Variants in NOLC1 observed in about 807,000 individuals in gnomAD.
The protein encoded by NOLC1 is 140 kDa nucleolar phosphoprotein.
A neutral mutation model predicts 73.4 loss-of-function variants in NOLC1; 37 were observed. The observed-to-expected ratio is 0.50, with a 90% CI of 0.39 to 0.66. The LOEUF (loss-of-function observed/expected upper bound fraction) is 0.66. NOLC1 is among the 30% of genes least tolerant of loss of function. The pLI, the probability that NOLC1 is intolerant of heterozygous loss-of-function variation, is 0.00. For missense variants in NOLC1, 921 were observed against 838.9 expected (o/e 1.10, Z -1.21); for synonymous variants, 327 against 302.6 (o/e 1.08, Z -0.84).
At chr10:102,160,123 C>G (rs2069675020) in intron 8 of NOLC1, 99 bp downstream of exon 8, 1 of 1,587,404 alleles carries the variant, frequency 6.3e-7, no homozygotes, top group East Asian at 2.2e-5. Context: ...TTGCTTTTTG[C>G]TTAAAGCAAG....
At chr10:102,153,246 A>G (rs2069536060) in intron 1 of NOLC1, among the ~76,000 whole-genome samples, 1 of 152,250 alleles carries the variant, frequency 6.6e-6, no homozygotes. Context: ...TTTCAGTAAG[A>G]TGATGTGTAA....
chr10:102,159,067 A>C (rs1223257884), intron 5 of NOLC1, 126 bp from the exon 6 acceptor site: 2 of 99,292 alleles, frequency 2.0e-5, no homozygotes. Context: ...TCCGTCTCCA[A>C]AAAAAAAAAA....
chr10:102,157,408 C>T lies in NOLC1; in HGVS notation c.317-23C>T, dbSNP rs748449926. On this transcript the variant is annotated intron_variant, in intron 3 of 12. Transcript: ENST00000605788. ...GCTTGTTTCACATGGCTGATTCTTA[C>T]TGGGACCTGTGTGTTTGTTCAGCTG... The T allele has an allele frequency of 2.5e-6, 4 of 1,613,898 alleles. No homozygotes were observed. In the South Asian group the frequency reaches 4.4e-5, roughly 18 times the overall value.
At chr10:102,154,036 A>AG (rs907874178) in intron 1 of NOLC1, among the ~76,000 whole-genome samples, 2 of 150,308 alleles carry the variant, frequency 1.3e-5, no homozygotes, top group African/African-American at 4.9e-5. Flanking sequence ...GAGCTAACTA[A>AG]GGGTCAGATG....
At chr10:102,154,790 G>A (rs888001114) in intron 1 of NOLC1, among the ~76,000 whole-genome samples, 2 of 152,108 alleles carry the variant, frequency 1.3e-5, no homozygotes, top group African/African-American at 4.8e-5. Context: ...GCCTCCCAAA[G>A]TGTTGGGATT....
chr10:102,154,450 AAAG>A (rs1448218290), intron 1 of NOLC1, among the ~76,000 whole-genome samples: 4 of 152,122 alleles, frequency 2.6e-5, no homozygotes, highest in African/African-American at 9.7e-5. Flanking sequence ...ATTTTATAGA[AAAG>A]AAAATAATCT....
intron 5 of NOLC1, 143 bp from the exon 6 acceptor site, chr10:102,159,050 G>C: frequency 1.1e-6 from 1 of 904,996 alleles, no homozygotes; most frequent in Non-Finnish European, 1.6e-6. Context: ...CAGAGCCAGA[G>C]CCAGACTCCG....
At position 102,159,893 on chromosome 10, in the gene NOLC1, C is replaced by T. The variant is rs1376394845; in HGVS notation, c.860-3C>T. 2 of 1,551,532 alleles carry T rather than the reference C, an allele frequency of 1.3e-6. No homozygotes were observed. Among genetic ancestry groups the T allele is most frequent in the African/African-American group, 1.4e-5 (1 of 71,926 alleles). On this transcript the variant is annotated splice_polypyrimidine_tract_variant and splice_region_variant and intron_variant, in intron 7 of 12. Transcript: ENST00000605788. ...AAACCATCACACTATCCTTTTTAAA[C>T]AGGTCCCTACAGTTCAGTCCCCCCG... is the stretch of plus-strand genomic sequence containing the variant.
Position 102,157,521 on chromosome 10 carries a change from A to G in NOLC1, c.407A>G (p.Asp136Gly). 2 of 1,614,194 alleles carry G rather than the reference A, an allele frequency of 1.2e-6. No homozygotes were observed. Among genetic ancestry groups the G allele is most frequent in the South Asian group, 2.2e-5 (2 of 91,078 alleles). The change falls in exon 4 of 13, where the codon GAT becomes GGT. Residue 136 changes from aspartate to glycine, a missense_variant. By Grantham distance (94) the Asp-to-Gly change is moderately conservative. Coordinates refer to ENST00000605788, the MANE Select transcript of NOLC1 (RefSeq NM_004741.5). ...AGCAGTGAAGAGTCCAGTGATGATGATGATGAGGAGGACCAAAAGAAACAG... is the reference window on the plus strand; with the variant it reads ...AGCAGTGAAGAGTCCAGTGATGATGGTGATGAGGAGGACCAAAAGAAACAG... ...SSSSEESSDD[D>G]DEEDQKKQPV...
Position 102,157,093 on chromosome 10 carries a change from A to G in NOLC1, c.176+19A>G. On this transcript the variant is annotated intron_variant, in intron 2 of 12. Transcript: ENST00000605788. ...GGCTCAAGTAAGCCTTTCCTGTTCC[A>G]TTTTGGCTATTTTCTCCCCCAAGAT... is the stretch of plus-strand genomic sequence containing the variant. 1 of 1,613,934 alleles carries G rather than the reference A, an allele frequency of 6.2e-7. No homozygotes were observed. The highest frequency in any genetic ancestry group is 1.1e-5 in the South Asian group (1 of 91,080).
At chr10:102,159,685 C>A in intron 7 of NOLC1, 117 bp downstream of exon 7, 2 of 1,185,228 alleles carry the variant, frequency 1.7e-6, no homozygotes, top group South Asian at 1.6e-5. Flanking sequence ...GCTAGCTTCT[C>A]CGAGCACTAG....
At chr10:102,161,386 A>G (rs1171891829) in intron 10 of NOLC1, among the ~76,000 whole-genome samples, 170 bp from the exon 11 acceptor site, 1 of 151,986 alleles carries the variant, frequency 6.6e-6, no homozygotes, top group East Asian at 1.9e-4. Context: ...ATGCACCACC[A>G]TGTCTGGCTC....
chr10:102,155,610 G>C (rs1377225014), intron 1 of NOLC1, among the ~76,000 whole-genome samples: 2 of 151,380 alleles, frequency 1.3e-5, no homozygotes, highest in African/African-American at 4.9e-5. Flanking sequence ...CTGGGTTAAA[G>C]CGATTCTCCT....
At position 102,153,074 on chromosome 10, in the gene NOLC1, A is replaced by G. The variant is rs183710522; in HGVS notation, c.120+544A>G. Among the ~76,000 whole-genome samples the G allele has an allele frequency of 3.0e-3, 460 of 152,350 alleles. 1 individual carries two copies. Among genetic ancestry groups the G allele is most frequent in the African/African-American group, 0.01 (427 of 41,592 alleles). On this transcript the variant is annotated intron_variant, in intron 1 of 12. Coordinates refer to ENST00000605788, the MANE Select transcript of NOLC1 (RefSeq NM_004741.5). ...AGAGTCATCAACAGCCCTACCAAGTAGGCATAGTAGTGGGCTTGGAGCTTT... is the reference window on the plus strand; with the variant it reads ...AGAGTCATCAACAGCCCTACCAAGTGGGCATAGTAGTGGGCTTGGAGCTTT...
At position 102,159,899 on chromosome 10, in the gene NOLC1, C is replaced by T. The variant is rs2133759885; in HGVS notation, c.863C>T (p.Pro288Leu). 6.3e-7 allele frequency: 1 copy of T among 1,578,360 alleles called. No homozygotes were observed. Among genetic ancestry groups the T allele is most frequent in the Non-Finnish European group, 8.6e-7 (1 of 1,164,398 alleles). The change falls in exon 8 of 13, where the codon CCC becomes CTC. Residue 288 changes from proline (P) to leucine (L), a missense_variant. Coordinates refer to ENST00000605788, the MANE Select transcript of NOLC1 (RefSeq NM_004741.5). ...QKKPMKNKPG[P>L]YSSVPPPSAP... ...TCACACTATCCTTTTTAAACAGGTC[C>T]CTACAGTTCAGTCCCCCCGCCTTCT...
chr10:102,156,429 A>AT (rs549384519), intron 1 of NOLC1, among the ~76,000 whole-genome samples: 193 of 140,844 alleles, frequency 1.4e-3, no homozygotes, highest in East Asian at 3.1e-3. Flanking sequence ...GTCAAAAGTG[A>AT]TTTTTTTTTT....
chr10:102,154,238 ATTTTTTTT>A (rs71016366), intron 1 of NOLC1, among the ~76,000 whole-genome samples: 2 of 126,414 alleles, frequency 1.6e-5, no homozygotes, highest in Non-Finnish European at 3.3e-5. Flanking sequence ...TGCCTGGCTA[ATTTTTTTT>A]TTTTTTTTTT....
At chr10:102,161,209 A>G in intron 10 of NOLC1, 116 bp downstream of exon 10, 1 of 1,110,136 alleles carries the variant, frequency 9.0e-7, no homozygotes. Context: ...AGTTGTGGAA[A>G]CTGGGAGGAA....
chr10:102,161,020 T>C lies in NOLC1; in HGVS notation c.1668T>C (p.Asn556=). 6.2e-7 allele frequency: 1 copy of C among 1,613,680 alleles called. No individual in the cohort carries two copies. The highest frequency in any genetic ancestry group is 8.5e-7 in the Non-Finnish European group (1 of 1,179,916). Reference sequence around the variant, plus strand: ...GCACCTCTGCACTGACTGCCCAGAATGGAAAAGCAGCTAAGAACAGTGAGG... The same window carrying C: ...GCACCTCTGCACTGACTGCCCAGAACGGAAAAGCAGCTAAGAACAGTGAGG... ...ANGTSALTAQ[N]GKAAKNSEEE... Residue 556 remains asparagine (N), a synonymous_variant, in exon 10 of 13, where the codon AAT becomes AAC. Coordinates refer to ENST00000605788, the MANE Select transcript of NOLC1 (RefSeq NM_004741.5).
Sources: gnomAD v4.1 joint callset for allele counts (sites outside exome capture counted in the v4.1 genomes callset) on GRCh38, gnomAD v4.1.1 for gene constraint, MANE v1.5 for transcripts, NCBI Gene and HGNC (gene_info 2026-07-23, HGNC 2026-07-21) for gene names.